The following ICA1L variants were observed in gnomAD, a reference collection of about 807,000 sequenced individuals.
ICA1L encodes islet cell autoantigen 1-like protein.
Under a neutral mutation model 61.3 loss-of-function variants are expected in ICA1L, and 50 were observed. That is an observed-to-expected ratio of 0.82 (90% confidence interval 0.65 to 1.03). ICA1L has a LOEUF of 1.03. Ranked by LOEUF, ICA1L falls within the 50% of genes least tolerant of loss-of-function variation. The pLI is 0.00. For synonymous variants in ICA1L, 161 were observed against 191.3 expected, an observed-to-expected ratio of 0.84 and a Z score of 1.31; for missense variants, 508 against 556.7, an observed-to-expected ratio of 0.91 and a Z score of 0.88.
At chr2:202,829,115 G>T in intron 1 of ICA1L, 99 bp from the exon 2 acceptor site, 2 of 888,984 alleles carry the variant, frequency 2.2e-6, no homozygotes, top group Non-Finnish European at 3.4e-6. Context: ...TTGGGAGGCT[G>T]AGGCGAGCGG....
At chr2:202,852,983 A>G (rs1044769822) in intron 1 of ICA1L, among the ~76,000 whole-genome samples, 1 of 152,008 alleles carries the variant, frequency 6.6e-6, no homozygotes, top group African/African-American at 2.4e-5. Context: ...TGGTGCTGGT[A>G]AAACTGGCTA....
At chr2:202,843,029 A>G (rs72934706) in intron 1 of ICA1L, among the ~76,000 whole-genome samples, 13,474 of 152,026 alleles carry the variant, frequency 0.089, 744 homozygotes, top group Non-Finnish European at 0.13. Context: ...TTGGTCATCT[A>G]TTGTTTTGCT....
chr2:202,793,278 T>C (rs1479879551), intron 10 of ICA1L, among the ~76,000 whole-genome samples: 2 of 151,828 alleles, frequency 1.3e-5, no homozygotes, highest in African/African-American at 4.8e-5. Flanking sequence ...ATTAAAAGCT[T>C]AAACAGACTG....
At position 202,778,203 on chromosome 2, in the gene ICA1L, A is replaced by G. The variant is rs899681706; in HGVS notation, c.*1330T>C. 2.6e-5 allele frequency: 4 copies of G among 152,156 alleles called. No individual in the cohort carries two copies. The allele number at this position is 152,156 out of a possible 1,614,324, so 9.4% of individuals were successfully genotyped here. On this transcript the variant is annotated 3_prime_UTR_variant, in exon 13 of 13. Coordinates refer to ENST00000358299, the MANE Select transcript of ICA1L (RefSeq NM_001288622.3). ...CCAGTCAAAATGTCTTCTTATGGAA[A>G]TGCAATGGACTGGATGACAAATATA...
chr2:202,814,507 C>T (rs1693474920), intron 8 of ICA1L, among the ~76,000 whole-genome samples, 195 bp downstream of exon 8: 1 of 152,182 alleles, frequency 6.6e-6, no homozygotes, highest in Admixed American at 6.5e-5. Context: ...AACTTTTTTA[C>T]TTGATAAATT....
At chr2:202,862,397 G>A (rs1004333395) in intron 1 of ICA1L, among the ~76,000 whole-genome samples, 1 of 151,800 alleles carries the variant, frequency 6.6e-6, no homozygotes, top group Non-Finnish European at 1.5e-5. Context: ...GAGGCTGCAG[G>A]GAGTGAGCAA....
At chr2:202,801,001 G>T (rs534615854) in intron 9 of ICA1L, among the ~76,000 whole-genome samples, 5 of 113,314 alleles carry the variant, frequency 4.4e-5, no homozygotes, top group African/African-American at 6.3e-5. Context: ...TATCAGTAAA[G>T]ATTTTAGTTG....
intron 12 of ICA1L, among the ~76,000 whole-genome samples, chr2:202,782,346 AAAAAAC>A (rs537491166): frequency 6.3e-4 from 96 of 152,068 alleles, no homozygotes; most frequent in Non-Finnish European, 1.0e-3. Flanking sequence ...CTCTGTCTCA[AAAAAAC>A]AAAAACAAAA....
chr2:202,791,858 A>C (rs977226471), intron 10 of ICA1L, among the ~76,000 whole-genome samples: 1 of 151,224 alleles, frequency 6.6e-6, no homozygotes, highest in South Asian at 2.1e-4. Context: ...AAAAAACAAA[A>C]GCACTAGAAT....
Position 202,849,182 on chromosome 2 carries a change from A to G in ICA1L, c.-7-20166T>C, listed in dbSNP as rs1694546234. On this transcript the variant is annotated intron_variant, in intron 1 of 12. Coordinates refer to ENST00000358299, the MANE Select transcript of ICA1L (RefSeq NM_001288622.3). The surrounding 1 kb of genome is among the most constrained non-coding windows in gnomAD (Gnocchi z 4.5). ...ACCACCAGGGCCCTGGGTTTCAAGC[A>G]CAAAACCGGGTGGCTGTTTGGGCAG... 6.6e-6 allele frequency among the ~76,000 whole-genome samples: 1 copy of G among 152,152 alleles called. No individual in the cohort carries two copies. Among genetic ancestry groups the G allele is most frequent in the Non-Finnish European group, 1.5e-5 (1 of 68,010 alleles).
intron 9 of ICA1L, among the ~76,000 whole-genome samples, chr2:202,799,110 ATTAAT>A (rs1223184079): frequency 2.0e-5 from 3 of 152,312 alleles, no homozygotes; most frequent in African/African-American, 4.8e-5. Context: ...ATTTTGATAT[ATTAAT>A]TTATTTTTCT....
intron 1 of ICA1L, among the ~76,000 whole-genome samples, chr2:202,845,931 G>C (rs932438504): frequency 1.3e-5 from 2 of 152,142 alleles, no homozygotes; most frequent in Admixed American, 6.5e-5. Context: ...AGTCAAACCT[G>C]CTGTTTAACA....
intron 1 of ICA1L, among the ~76,000 whole-genome samples, chr2:202,862,272 C>CAAAAAAAAAAAAAAAAAAAAA (rs778355110): frequency 1.6e-5 from 1 of 62,978 alleles, no homozygotes; most frequent in African/African-American, 8.3e-5. Context: ...CTCATTTCTA[C>CAAAAAAAAAAAAAAAAAAAAA]AAAAAAAAAA....
chr2:202,783,228 T>A, intron 12 of ICA1L, among the ~76,000 whole-genome samples: 1 of 152,208 alleles, frequency 6.6e-6, no homozygotes, highest in Non-Finnish European at 1.5e-5. Context: ...GAATGCTAAA[T>A]TAGTGGGCAA....
At chr2:202,779,799 ATTTTTT>A (rs369496549) in intron 12 of ICA1L, 151 bp from the exon 13 acceptor site, 3 of 435,964 alleles carry the variant, frequency 6.9e-6, no homozygotes, top group African/African-American at 2.2e-5. Context: ...TCCCTTTAAG[ATTTTTT>A]TTTTTTTTTT....
Position 202,774,559 on chromosome 2 carries a change from A to G in ICA1L, c.*4974T>C. On this transcript the variant is annotated 3_prime_UTR_variant, in exon 13 of 13. Transcript: ENST00000358299. ...GAGACACAGGAAAAAAAGTTGTAAT[A>G]TACTCACAGGTCCTAGAGAGACCAG... The G allele has an allele frequency of 2.6e-6, 1 of 385,996 alleles. No homozygotes were observed. Among genetic ancestry groups the G allele is most frequent in the Non-Finnish European group, 4.6e-6 (1 of 217,588 alleles). 23.9% of individuals were successfully genotyped at this position (385,996 alleles called of 1,614,324 possible).
chr2:202,849,618 C>T lies in ICA1L; in HGVS notation c.-7-20602G>A, dbSNP rs1348801350. ...GGGCAGGGCATCTCTGAAAGAAAGG[C>T]AGCAGCCCCAGCCAGGGGTTTTTAG... On this transcript the variant is annotated intron_variant, in intron 1 of 12. Coordinates refer to ENST00000358299, the MANE Select transcript of ICA1L (RefSeq NM_001288622.3). The surrounding 1 kb of genome is among the most constrained non-coding windows in gnomAD (Gnocchi z 4.5). Among the ~76,000 whole-genome samples, 1 of 152,188 alleles carries T rather than the reference C, an allele frequency of 6.6e-6. No individual in the cohort carries two copies. Among genetic ancestry groups the T allele is most frequent in the East Asian group, 1.9e-4 (1 of 5,188 alleles).
rs191512025 is a variant in ICA1L, at chr2:202,795,583, G to A, written c.985+1307C>T. 2.7e-5 allele frequency among the ~76,000 whole-genome samples: 4 copies of A among 150,642 alleles called. No individual in the cohort carries two copies. In the East Asian group the frequency reaches 6.0e-4, roughly 23 times the overall value. On this transcript the variant is annotated intron_variant, in intron 10 of 12. Coordinates refer to ENST00000358299, the MANE Select transcript of ICA1L (RefSeq NM_001288622.3). ...GCACTCCAGCCTGGGCAATGAGGGC[G>A]AAACTCCATCTCAAAAAAAAAGAAA...
intron 2 of ICA1L, 95 bp downstream of exon 2, chr2:202,828,753 C>T (rs1693920098): frequency 6.1e-6 from 6 of 979,994 alleles, no homozygotes; most frequent in Non-Finnish European, 9.6e-6. Flanking sequence ...TGCATTTATC[C>T]TCATAAACTC....
Sources: gnomAD v4.1 joint callset for allele counts (sites outside exome capture counted in the v4.1 genomes callset) on GRCh38, gnomAD v4.1.1 for gene constraint, Gnocchi (gnomAD v3.1) non-coding constraint, MANE v1.5 for transcripts, NCBI Gene and HGNC (gene_info 2026-07-23, HGNC 2026-07-21) for gene names.